ZBTB45: variants seen among roughly 807,000 people sequenced by gnomAD.
The protein encoded by ZBTB45 is zinc finger and BTB domain-containing protein 45.
A neutral mutation model predicts 28.4 loss-of-function variants in ZBTB45; 22 were observed. The ratio of observed to expected loss-of-function variants is 0.77; its 90% CI spans 0.55 to 1.10. The LOEUF (loss-of-function observed/expected upper bound fraction) is 1.10. Among genes scored for constraint, ZBTB45 ranks in the 50% least tolerant of loss-of-function variants. ZBTB45 has a pLI of 0.00. For missense variants in ZBTB45, 656 were observed against 750.2 expected, an observed-to-expected ratio of 0.87 and a Z score of 1.47; for synonymous variants, 361 against 332.3, an observed-to-expected ratio of 1.09 and a Z score of -0.94.
intron 1 of ZBTB45, among the ~76,000 whole-genome samples, chr19:58,530,209 GCACACACACA>G (rs111340524): frequency 1.5e-4 from 22 of 148,508 alleles, no homozygotes; most frequent in Non-Finnish European, 1.5e-5. Flanking sequence ...GAGAGCGCAT[GCACACACACA>G]CACACACACA....
chr19:58,524,435 ATGTGTGTGTG>A (rs56704623), upstream of ZBTB45, among the ~76,000 whole-genome samples: 92 of 138,348 alleles, frequency 6.6e-4, no homozygotes, highest in South Asian at 5.5e-3. Flanking sequence ...GTGTTCATAT[ATGTGTGTGTG>A]TGTGTGTGTG....
At chr19:58,525,925 GAAGAGTT>G (rs913017947) in intron 1 of ZBTB45, among the ~76,000 whole-genome samples, 3 of 152,170 alleles carry the variant, frequency 2.0e-5, no homozygotes, top group African/African-American at 7.2e-5. Context: ...GATTAATTCT[GAAGAGTT>G]TAAAAAACCC....
intron 1 of ZBTB45, among the ~76,000 whole-genome samples, chr19:58,527,732 G>A (rs2053615216): frequency 6.6e-6 from 1 of 152,136 alleles, no homozygotes; most frequent in Non-Finnish European, 1.5e-5. Context: ...CTCAGTCCAG[G>A]AGGAATCAAC....
At chr19:58,537,165 C>T (rs529583978) in intron 1 of ZBTB45, among the ~76,000 whole-genome samples, 2 of 152,240 alleles carry the variant, frequency 1.3e-5, no homozygotes, top group African/African-American at 4.8e-5. Context: ...CAGCTTGAGC[C>T]TGTTTTCTAG....
chr19:58,521,066 A>G (rs1028939302), upstream of ZBTB45, among the ~76,000 whole-genome samples: 1 of 137,944 alleles, frequency 7.2e-6, no homozygotes, highest in Non-Finnish European at 1.5e-5. Context: ...AAAAAAAAAA[A>G]AAAAAAAAAA....
At chr19:58,530,237 C>T (rs1423260724) in intron 1 of ZBTB45, among the ~76,000 whole-genome samples, 1 of 119,226 alleles carries the variant, frequency 8.4e-6, no homozygotes, top group Non-Finnish European at 1.8e-5. Context: ...ACACACACAC[C>T]TCAGTTGTAT....
chr19:58,538,700 C>A lies in ZBTB45; in HGVS notation c.-1+1G>T, dbSNP rs1367746906. 6.6e-6 allele frequency: 1 copy of A among 152,156 alleles called. No individual in the cohort carries two copies. The highest frequency in any genetic ancestry group is 1.5e-5 in the Non-Finnish European group (1 of 68,028). 9.4% of individuals were successfully genotyped at this position (152,156 alleles called of 1,614,324 possible). A position where few individuals can be genotyped will look rare whatever the true frequency, so the allele number is the denominator to read the frequency against. On this transcript the variant is annotated splice_donor_variant, in intron 1 of 1. Transcript: ENST00000600130. LOFTEE classifies it low-confidence loss of function (5UTR_SPLICE). Reference sequence around the variant, plus strand: ...CGCCCCGCCCGGCTAGCCACCTTTACCTGTGCGCGCCTTGGGAGTGGCGAA... The same window carrying A: ...CGCCCCGCCCGGCTAGCCACCTTTAACTGTGCGCGCCTTGGGAGTGGCGAA...
intron 1 of ZBTB45, among the ~76,000 whole-genome samples, chr19:58,531,772 C>T (rs951561920): frequency 1.3e-5 from 2 of 152,198 alleles, no homozygotes; most frequent in African/African-American, 2.4e-5. Flanking sequence ...GTGCATCAGC[C>T]GATGACGGTC....
In ZBTB45 at chr19:58,516,641, G is replaced by T; in HGVS notation, c.1033C>A (p.Pro345Thr). The change falls in exon 2 of 3, where the codon CCC (proline) becomes ACC (threonine). Residue 345 changes from proline (P) to threonine (T), a missense_variant. Around this residue, in one of 3 missense-constraint regions of ZBTB45, gnomAD observed 448 missense variants for 444.3 expected, o/e 1.01. Coordinates refer to ENST00000594051, the MANE Select transcript of ZBTB45 (RefSeq NM_001316979.2). This position sits in a 1 kb window ranked among gnomAD's most constrained non-coding sequence, Gnocchi z 6.2. ...HLGAPGPPAPPPSAPSGPAPA... is the reference protein window; with the variant it reads ...HLGAPGPPAPTPSAPSGPAPA... ...GCTGGCCCCGATGGTGCTGAAGGGG[G>T]TGGTGCGGGTGGCCCAGGGGCACCC... 1 of 1,560,836 alleles carries T rather than the reference G, an allele frequency of 6.4e-7. No individual in the cohort carries two copies. Among genetic ancestry groups the T allele is most frequent in the South Asian group, 1.2e-5 (1 of 82,144 alleles).
At chr19:58,523,772 G>A (rs1419961268), upstream of ZBTB45, among the ~76,000 whole-genome samples, 17 of 133,656 alleles carry the variant, frequency 1.3e-4, no homozygotes, top group South Asian at 2.8e-4. Context: ...CTGGGTTCAC[G>A]TCATTCTCCT....
intron 1 of ZBTB45, among the ~76,000 whole-genome samples, chr19:58,534,114 G>C (rs2053648139): frequency 6.6e-6 from 1 of 152,174 alleles, no homozygotes; most frequent in Non-Finnish European, 1.5e-5. Context: ...GGTTAGCTGA[G>C]GTGCTCCCTG....
rs2053475234 is a variant in ZBTB45, at chr19:58,515,161, CA to C, written c.1280-852del. ...TGAAACCCCATCTCTACTAAAAATA[CA>C]AAAAATAGCCGGGTGTGGTGGTGCA... On this transcript the variant is annotated intron_variant, in intron 2 of 2. Transcript: ENST00000594051. The surrounding 1 kb of genome is among the most constrained non-coding windows in gnomAD (Gnocchi z 4.7). 6.6e-6 allele frequency among the ~76,000 whole-genome samples: 1 copy of C among 151,814 alleles called. No homozygotes were observed. Among genetic ancestry groups the C allele is most frequent in the Non-Finnish European group, 1.5e-5 (1 of 67,914 alleles).
In ZBTB45 at chr19:58,516,465, A is replaced by G. The variant is rs750260058; in HGVS notation, c.1209T>C (p.Tyr403=). 1 of 1,613,880 alleles carries G rather than the reference A, an allele frequency of 6.2e-7. No homozygotes were observed. Among genetic ancestry groups the G allele is most frequent in the Non-Finnish European group, 8.5e-7 (1 of 1,179,848 alleles). Residue 403 remains tyrosine, a synonymous_variant, in exon 2 of 3, where the codon TAT becomes TAC. Transcript: ENST00000594051. The surrounding 1 kb of genome is among the most constrained non-coding windows in gnomAD (Gnocchi z 6.2). ...ACGTCTTGCGACAGTGGCTGCACTC[A>G]TACGTAGGTGGCTCAGCACCTGGGG... The part of the protein sequence containing the change: ...ARTPGAEPPT[Y]ECSHCRKTFS...
At chr19:58,530,596 G>A (rs141714309) in intron 1 of ZBTB45, among the ~76,000 whole-genome samples, 20 of 152,126 alleles carry the variant, frequency 1.3e-4, no homozygotes, top group Admixed American at 6.5e-5. Flanking sequence ...GTGAGCCACC[G>A]TGCCTGGCCC....
At chr19:58,526,525 ATTTTTT>A (rs71293931) in intron 1 of ZBTB45, among the ~76,000 whole-genome samples, 23 of 131,008 alleles carry the variant, frequency 1.8e-4, no homozygotes, top group African/African-American at 4.0e-4. Flanking sequence ...TATTATTATT[ATTTTTT>A]TTTTTTTTTT....
upstream of ZBTB45, among the ~76,000 whole-genome samples, chr19:58,522,616 CA>C (rs1291438519): frequency 5.3e-5 from 8 of 152,076 alleles, no homozygotes; most frequent in Non-Finnish European, 1.0e-4. Context: ...GCCTGGGCAA[CA>C]AGAGTGAAAA....
At chr19:58,529,310 G>A (rs993500551) in intron 1 of ZBTB45, among the ~76,000 whole-genome samples, 1 of 152,126 alleles carries the variant, frequency 6.6e-6, no homozygotes, top group Non-Finnish European at 1.5e-5. Context: ...GCATGATGGC[G>A]TGTACCCGTA....
At chr19:58,538,909 A>C (rs2053676894) in exon 1 of ZBTB45, 1 of 152,180 alleles carries the variant, frequency 6.6e-6, no homozygotes, top group Non-Finnish European at 1.5e-5. Context: ...CCACGTTTTC[A>C]ACGCGCTGAT....
chr19:58,524,157 A>T (rs2053593441), upstream of ZBTB45, among the ~76,000 whole-genome samples: 1 of 149,800 alleles, frequency 6.7e-6, no homozygotes. Flanking sequence ...ACCTGAGATC[A>T]GGAGTTCCAG....
Sources: allele counts gnomAD v4.1 joint callset (sites outside exome capture counted in the v4.1 genomes callset), GRCh38; gene constraint gnomAD v4.1.1; regional missense constraint gnomAD v4.1.1; non-coding constraint Gnocchi (gnomAD v3.1); transcripts MANE v1.5; gene names NCBI Gene and HGNC (gene_info 2026-07-23, HGNC 2026-07-21).